SHISA9: variants seen among roughly 807,000 people sequenced by gnomAD.
SHISA9 encodes the protein protein shisa-9.
SHISA9 carries 13 observed loss-of-function variants against 38.0 expected under a neutral mutation model. That is an observed-to-expected ratio of 0.34 (90% CI 0.22 to 0.54). The LOEUF is 0.54. Ranked by LOEUF, SHISA9 falls within the 20% of genes least tolerant of loss-of-function variation. The pLI is 0.91. For synonymous variants in SHISA9, 275 were observed against 242.0 expected, an observed-to-expected ratio of 1.14 and a Z score of -1.27; for missense variants, 538 against 575.8, an observed-to-expected ratio of 0.93 and a Z score of 0.67.
intron 2 of SHISA9, among the ~76,000 whole-genome samples, chr16:12,964,751 T>C (rs1042615388): frequency 1.3e-5 from 2 of 152,188 alleles, no homozygotes; most frequent in African/African-American, 4.8e-5. Context: ...TTCCTAGCTG[T>C]GTTAAACCTC....
the SHISA9 span, among the ~76,000 whole-genome samples, chr16:13,562,424 G>T: frequency 6.6e-6 from 1 of 152,084 alleles, no homozygotes; most frequent in African/African-American, 2.4e-5. Context: ...GAGGTCAAGA[G>T]CTCGAGACCA....
the SHISA9 span, among the ~76,000 whole-genome samples, chr16:13,375,893 G>A: frequency 4.6e-5 from 7 of 152,002 alleles, no homozygotes; most frequent in South Asian, 6.2e-4. Context: ...CCTAGCTCCC[G>A]TTTTTGCAGC....
intron 2 of SHISA9, among the ~76,000 whole-genome samples, chr16:13,018,649 A>T (rs1391157379): frequency 6.6e-6 from 1 of 152,196 alleles, no homozygotes; most frequent in African/African-American, 2.4e-5. Flanking sequence ...CAGGAGAGGC[A>T]CTGCAGCTGG....
chr16:13,234,948 C>G, intron 4 of SHISA9, 82 bp from the exon 5 acceptor site: 2 of 1,434,046 alleles, frequency 1.4e-6, no homozygotes, highest in Non-Finnish European at 1.8e-6. Flanking sequence ...GTTGACATGC[C>G]AGTCTCTAAC....
intron 2 of SHISA9, among the ~76,000 whole-genome samples, chr16:12,971,260 T>G (rs1030698049): frequency 1.3e-5 from 2 of 152,244 alleles, no homozygotes; most frequent in Non-Finnish European, 2.9e-5. Flanking sequence ...TGTTGAGGAC[T>G]TCTCAGCTTG....
At chr16:13,347,234 T>C in the SHISA9 span, among the ~76,000 whole-genome samples, 1 of 152,186 alleles carries the variant, frequency 6.6e-6, no homozygotes, top group Non-Finnish European at 1.5e-5. Flanking sequence ...AGGTATAGTA[T>C]ACTTATTTAA....
chr16:13,020,804 C>T (rs1183671122), intron 2 of SHISA9, among the ~76,000 whole-genome samples: 3 of 152,210 alleles, frequency 2.0e-5, no homozygotes, highest in Admixed American at 6.5e-5. Flanking sequence ...AGGTTCCTAG[C>T]TGTTTGTAGT....
chr16:13,109,201 A>T (rs751714327), intron 2 of SHISA9, among the ~76,000 whole-genome samples: 3 of 151,706 alleles, frequency 2.0e-5, no homozygotes, highest in African/African-American at 4.8e-5. Flanking sequence ...TAATTGTTCT[A>T]TTTTTTTGTA....
chr16:12,969,012 C>T (rs991208660), intron 2 of SHISA9, among the ~76,000 whole-genome samples: 2 of 151,902 alleles, frequency 1.3e-5, no homozygotes, highest in Non-Finnish European at 2.9e-5. Context: ...AAACAATTAG[C>T]TGAACGTGGT....
chr16:13,070,313 C>T (rs1430961081), intron 2 of SHISA9, among the ~76,000 whole-genome samples: 1 of 152,158 alleles, frequency 6.6e-6, no homozygotes, highest in East Asian at 1.9e-4. Flanking sequence ...TCTTTCTCTC[C>T]TCCTTCCGTA....
chr16:13,429,582 C>A, the SHISA9 span, among the ~76,000 whole-genome samples: 2 of 152,124 alleles, frequency 1.3e-5, no homozygotes, highest in South Asian at 2.1e-4. Context: ...AGCATCACTT[C>A]TTCTTAACTA....
At chr16:13,359,382 C>G in the SHISA9 span, among the ~76,000 whole-genome samples, 1 of 152,132 alleles carries the variant, frequency 6.6e-6, no homozygotes, top group Admixed American at 6.5e-5. Flanking sequence ...ACCCGGGAGG[C>G]TGAGGCAGGA....
the SHISA9 span, among the ~76,000 whole-genome samples, chr16:13,550,082 G>A: frequency 6.6e-6 from 1 of 150,924 alleles, no homozygotes; most frequent in African/African-American, 2.4e-5. Context: ...GAGAAGGAGT[G>A]ACCCCGGGAA....
the SHISA9 span, among the ~76,000 whole-genome samples, chr16:13,339,258 T>A: frequency 6.8e-4 from 103 of 151,608 alleles, no homozygotes; most frequent in African/African-American, 2.4e-3. Flanking sequence ...TATTAGGTAC[T>A]TTTTGCCATA....
chr16:13,327,138 C>T, the SHISA9 span, among the ~76,000 whole-genome samples: 3 of 152,106 alleles, frequency 2.0e-5, no homozygotes, highest in South Asian at 2.1e-4. Context: ...ATGTGAAAGA[C>T]GCATTCCTGG....
chr16:13,017,758 G>A (rs184527538), intron 2 of SHISA9, among the ~76,000 whole-genome samples: 1 of 152,256 alleles, frequency 6.6e-6, no homozygotes. Flanking sequence ...AAGCACTGGG[G>A]ACAGAGCTCA....
At chr16:13,293,386 G>A in the SHISA9 span, among the ~76,000 whole-genome samples, 2 of 152,146 alleles carry the variant, frequency 1.3e-5, no homozygotes, top group Middle Eastern at 3.2e-3. Flanking sequence ...CATCTGCAAA[G>A]CTCTTAAATA....
chr16:12,997,489 C>G (rs1232898504), intron 2 of SHISA9, among the ~76,000 whole-genome samples: 2 of 151,384 alleles, frequency 1.3e-5, no homozygotes, highest in Non-Finnish European at 2.9e-5. Context: ...TCACTGCAAC[C>G]TCCATCTCCC....
At chr16:13,331,243 T>C in the SHISA9 span, 1 of 152,076 alleles carries the variant, frequency 6.6e-6, no homozygotes, top group African/African-American at 2.4e-5. Context: ...GTTGATCTCC[T>C]AGGCAGGTGG....
Sources: allele counts gnomAD v4.1 joint callset (sites outside exome capture counted in the v4.1 genomes callset), GRCh38; gene constraint gnomAD v4.1.1; transcripts MANE v1.5; gene names NCBI Gene and HGNC (gene_info 2026-07-23, HGNC 2026-07-21).